Variants in SRSF3 observed in about 807,000 individuals in gnomAD.
SRSF3 encodes the protein serine and arginine rich splicing factor 3, also known as serine/arginine-rich splicing factor 3.
For synonymous variants in SRSF3, 87 were observed against 73.6 expected, an observed-to-expected ratio of 1.18 and a Z score of -0.93; for missense variants, 58 against 217.1, an observed-to-expected ratio of 0.27 and a Z score of 4.61.
At chr6:36,594,756 G>C (rs1268326275) in intron 1 of SRSF3, 1 of 151,772 alleles carries the variant, frequency 6.6e-6, no homozygotes, top group Non-Finnish European at 1.5e-5. Context: ...TGTATTCCAG[G>C]TCACGGCCTT....
chr6:36,602,670 CAT>C lies in SRSF3; in HGVS notation c.*682_*683del. On this transcript the variant is annotated 3_prime_UTR_variant, in exon 6 of 6. Transcript: ENST00000373715. ...AAAATGTCCTGCCAGTTTAAGGGTACATTGTAGAGCCGAACTTTGAGTTACTG... is the reference window on the plus strand; with the variant it reads ...AAAATGTCCTGCCAGTTTAAGGGTACTGTAGAGCCGAACTTTGAGTTACTG... The C allele has an allele frequency of 4.7e-6, 1 of 214,200 alleles. No homozygotes were observed. Among genetic ancestry groups the C allele is most frequent in the Admixed American group, 5.8e-5 (1 of 17,156 alleles). The allele number at this position is 214,200 out of a possible 1,614,324, so 13.3% of individuals were successfully genotyped here.
At chr6:36,600,987 CTTTTCTTTTTTTTCTT>C in intron 3 of SRSF3, 149 bp from the exon 4 acceptor site, 1 of 388,856 alleles carries the variant, frequency 2.6e-6, no homozygotes, top group Non-Finnish European at 4.0e-6. Flanking sequence ...CCTTTTTTTT[CTTTTCTTTTTTTTCTT>C]TTTTTTTTTT....
chr6:36,600,548 A>C (rs1778694745), intron 3 of SRSF3: 1 of 153,602 alleles, frequency 6.5e-6, no homozygotes, highest in Non-Finnish European at 1.4e-5. Flanking sequence ...GAATCCTATC[A>C]CCTTTAAATG....
chr6:36,595,842 ACT>A (rs1399420527), intron 1 of SRSF3, among the ~76,000 whole-genome samples: 4 of 152,112 alleles, frequency 2.6e-5, no homozygotes, highest in Non-Finnish European at 5.9e-5. Flanking sequence ...ACCGCGTAAG[ACT>A]CTGGTCTATC....
chr6:36,600,154 A>C, intron 3 of SRSF3: 3 of 1,064,830 alleles, frequency 2.8e-6, no homozygotes, highest in Non-Finnish European at 2.3e-6. Flanking sequence ...AATCCACAAC[A>C]CCCCCTTCGC....
chr6:36,596,576 G>GT (rs1279234693), intron 1 of SRSF3, among the ~76,000 whole-genome samples, 185 bp from the exon 2 acceptor site: 3 of 20,632 alleles, frequency 1.5e-4, no homozygotes, highest in African/African-American at 3.1e-4. Flanking sequence ...CGGGGTGGCG[G>GT]GGGGGGGGAA....
At chr6:36,600,536 T>C (rs1226709168) in intron 3 of SRSF3, 3 of 155,176 alleles carry the variant, frequency 1.9e-5, no homozygotes, top group Non-Finnish European at 4.2e-5. Flanking sequence ...CAAAAATTTG[T>C]TGAATCCTAT....
chr6:36,599,920 C>G, intron 3 of SRSF3: 1 of 1,348,834 alleles, frequency 7.4e-7, no homozygotes, highest in Non-Finnish European at 9.8e-7. Flanking sequence ...TTCAGCTTGG[C>G]TGGTGTCGTT....
At chr6:36,595,180 A>T (rs530003476) in intron 1 of SRSF3, among the ~76,000 whole-genome samples, 2 of 152,176 alleles carry the variant, frequency 1.3e-5, no homozygotes, top group Non-Finnish European at 2.9e-5. Flanking sequence ...AAAGCACTTC[A>T]GCTGAATTAT....
intron 1 of SRSF3, among the ~76,000 whole-genome samples, chr6:36,595,931 G>GTTT (rs200013684): frequency 1.4e-5 from 2 of 143,562 alleles, no homozygotes; most frequent in Admixed American, 1.4e-4. Context: ...ATTTATTTGT[G>GTTT]GTTTTTTTTT....
intron 1 of SRSF3, among the ~76,000 whole-genome samples, 182 bp from the exon 2 acceptor site, chr6:36,596,579 G>GGGGGGTGGGGGGT (rs1778632776): frequency 7.0e-6 from 1 of 143,260 alleles, no homozygotes; most frequent in Non-Finnish European, 1.5e-5. Flanking sequence ...GGTGGCGGGG[G>GGGGGGTGGGGGGT]GGGGGAAATG....
chr6:36,601,084 G>C, intron 3 of SRSF3, 68 bp from the exon 4 acceptor site: 1 of 1,294,110 alleles, frequency 7.7e-7, no homozygotes, highest in Non-Finnish European at 1.0e-6. Flanking sequence ...AGATTGAAAA[G>C]TTGGGAAATG....
rs1296724440 is a variant in SRSF3 at position 36,603,658 on chromosome 6, CT to C, written c.*1673del. The C allele has an allele frequency of 4.3e-6, 1 of 230,298 alleles. No homozygotes were observed. Among genetic ancestry groups the C allele is most frequent in the African/African-American group, 2.2e-5 (1 of 45,208 alleles). 14.3% of individuals were successfully genotyped at this position (230,298 alleles called of 1,614,324 possible). A position where few individuals can be genotyped will look rare whatever the true frequency, so the allele number is the denominator to read the frequency against. ...AAGTTAAGCATGTTCAAGAAAGACACTTTTCAGACAGCCTGTTTATTTACTG... is the reference window on the plus strand; with the variant it reads ...AAGTTAAGCATGTTCAAGAAAGACACTTTCAGACAGCCTGTTTATTTACTG... On this transcript the variant is annotated 3_prime_UTR_variant, in exon 6 of 6. Transcript: ENST00000373715.
In SRSF3 at chr6:36,603,119, A is replaced by C; in HGVS notation, c.*1130A>C. On this transcript the variant is annotated 3_prime_UTR_variant, in exon 6 of 6. Transcript: ENST00000373715. ...CATAGAAGCCAGTTCAGGGTCCATA[A>C]TATTTAGTGACCAACATTTTAAAGT... 4.5e-6 allele frequency: 1 copy of C among 223,870 alleles called. No homozygotes were observed. Among genetic ancestry groups the C allele is most frequent in the Non-Finnish European group, 8.9e-6 (1 of 112,012 alleles). The allele number at this position is 223,870 out of a possible 1,614,324, so 13.9% of individuals were successfully genotyped here.
chr6:36,596,574 C>CGGGGGGGGT (rs1778631584), intron 1 of SRSF3, among the ~76,000 whole-genome samples, 187 bp from the exon 2 acceptor site: 2 of 91,962 alleles, frequency 2.2e-5, no homozygotes, highest in African/African-American at 4.9e-5. Context: ...GGCGGGGTGG[C>CGGGGGGGGT]GGGGGGGGGG....
At chr6:36,595,258 C>G (rs960593568) in intron 1 of SRSF3, among the ~76,000 whole-genome samples, 3 of 152,104 alleles carry the variant, frequency 2.0e-5, no homozygotes, top group Non-Finnish European at 2.9e-5. Flanking sequence ...CGAAGTGACT[C>G]AGTAATAAAG....
chr6:36,601,934 TGTTTTC>T, intron 5 of SRSF3, 22 bp from the exon 6 acceptor site: 1 of 1,576,186 alleles, frequency 6.3e-7, no homozygotes, highest in Non-Finnish European at 8.6e-7. Flanking sequence ...TGTAATGTTT[TGTTTTC>T]TTTTTTTTTT....
chr6:36,601,642 T>TCACCAACAC, intron 4 of SRSF3, 66 bp from the exon 5 acceptor site: 1 of 1,439,994 alleles, frequency 6.9e-7, no homozygotes, highest in South Asian at 1.3e-5. Flanking sequence ...CCATGCCAGA[T>TCACCAACAC]CAAGAAAATA....
At chr6:36,596,319 A>G (rs1240143709) in intron 1 of SRSF3, among the ~76,000 whole-genome samples, 1 of 152,156 alleles carries the variant, frequency 6.6e-6, no homozygotes, top group Non-Finnish European at 1.5e-5. Flanking sequence ...CTTGCCTGGT[A>G]GTATAACCTT....
Sources: gnomAD v4.1 joint callset for allele counts (sites outside exome capture counted in the v4.1 genomes callset) on GRCh38, gnomAD v4.1.1 for gene constraint, MANE v1.5 for transcripts, NCBI Gene and HGNC (gene_info 2026-07-23, HGNC 2026-07-21) for gene names.